Variants in MOV10L1 observed in about 807,000 individuals in gnomAD.
The protein encoded by MOV10L1 is RNA helicase Mov10l1.
A neutral mutation model predicts 143.8 loss-of-function variants in MOV10L1; 110 were observed. The observed-to-expected ratio is 0.76, with a 90% CI of 0.66 to 0.90. The LOEUF is 0.90. MOV10L1 is among the 40% of genes least tolerant of loss of function. MOV10L1 has a pLI of 0.00. For synonymous variants in MOV10L1, 593 were observed against 581.1 expected (o/e 1.02, Z -0.29); for missense variants, 1,406 against 1,526.8 (o/e 0.92, Z 1.32).
At chr22:50,126,800 T>C (rs991301490) in intron 12 of MOV10L1, among the ~76,000 whole-genome samples, 14 of 152,306 alleles carry the variant, frequency 9.2e-5, no homozygotes, top group African/African-American at 3.1e-4. Flanking sequence ...AAGCCACACA[T>C]TACTTAATGT....
intron 19 of MOV10L1, chr22:50,147,209 AGCAGGGAGGGTGCT>A: frequency 8.5e-7 from 1 of 1,175,048 alleles, no homozygotes; most frequent in Non-Finnish European, 1.2e-6. Flanking sequence ...TCTGTGCAGA[AGCAGGGAGGGTGCT>A]GCAGGCCGCT....
intron 3 of MOV10L1, among the ~76,000 whole-genome samples, chr22:50,100,935 A>G (rs1422051149): frequency 1.3e-5 from 2 of 152,184 alleles, no homozygotes; most frequent in African/African-American, 2.4e-5. Context: ...CCTGCTGCCT[A>G]TGGTGGTGAA....
In MOV10L1 at chr22:50,145,907, C is replaced by T. The variant is rs564827592; in HGVS notation, c.2627+97C>T. Reference sequence around the variant, plus strand: ...CTGAGGGGCGGATGACCCAGAGACTCAGTGCTCAGGGAGGGAGGCAGGGCT... The same window carrying T: ...CTGAGGGGCGGATGACCCAGAGACTTAGTGCTCAGGGAGGGAGGCAGGGCT... On this transcript the variant is annotated intron_variant, in intron 19 of 26. Transcript: ENST00000262794. 5.3e-5 allele frequency: 81 copies of T among 1,538,050 alleles called. No individual in the cohort carries two copies. The South Asian group carries it at 6.9e-4, about 13-fold the overall frequency.
chr22:50,142,250 G>T, intron 16 of MOV10L1, 61 bp downstream of exon 16: 2 of 1,399,170 alleles, frequency 1.4e-6, no homozygotes, highest in South Asian at 1.3e-5. Flanking sequence ...GGAAAACGGG[G>T]ACTTTGAGGA....
intron 9 of MOV10L1, among the ~76,000 whole-genome samples, chr22:50,119,385 C>T (rs895751631): frequency 6.6e-6 from 1 of 152,110 alleles, no homozygotes; most frequent in African/African-American, 2.4e-5. Context: ...ACAGGTCCTG[C>T]ACTTCCTGCT....
intron 3 of MOV10L1, among the ~76,000 whole-genome samples, chr22:50,103,249 A>G (rs1286573651): frequency 6.6e-6 from 1 of 152,220 alleles, no homozygotes; most frequent in Non-Finnish European, 1.5e-5. Flanking sequence ...TTTGAACAGC[A>G]CTGTCCCCCA....
intron 14 of MOV10L1, 82 bp downstream of exon 14, chr22:50,134,147 C>A: frequency 9.2e-7 from 1 of 1,085,556 alleles, no homozygotes; most frequent in Non-Finnish European, 1.3e-6. Flanking sequence ...GTAAAATAGT[C>A]TCTTCAGTCA....
chr22:50,151,071 GAT>G (rs1467225915), intron 21 of MOV10L1, among the ~76,000 whole-genome samples, 172 bp downstream of exon 21: 1 of 152,238 alleles, frequency 6.6e-6, no homozygotes, highest in Admixed American at 6.5e-5. Context: ...GCCTGGTGCT[GAT>G]GGCTGAGACT....
At chr22:50,134,773 G>A (rs530096983) in intron 15 of MOV10L1, 143 bp downstream of exon 15, 63 of 682,228 alleles carry the variant, frequency 9.2e-5, no homozygotes, top group Middle Eastern at 2.9e-4. Context: ...GGGGGTGGGC[G>A]TTTCCTTCTC....
At chr22:50,115,864 G>A (rs938242678) in intron 8 of MOV10L1, among the ~76,000 whole-genome samples, 1 of 152,228 alleles carries the variant, frequency 6.6e-6, no homozygotes, top group East Asian at 1.9e-4. Context: ...CGTCACCTGG[G>A]CATTTGGCCA....
chr22:50,149,579 C>T lies in MOV10L1; in HGVS notation c.2628-36C>T, dbSNP rs201029826. 415 of 1,601,942 alleles carry T rather than the reference C, an allele frequency of 2.6e-4. 2 individuals are homozygous for T. Among genetic ancestry groups the T allele is most frequent in the African/African-American group, 2.2e-3 (164 of 74,832 alleles). The stretch of plus-strand genomic sequence containing the variant: ...AGAGGCATCAATTGCTAAAACAATT[C>T]GGCAGAAATTACCATTTAGAACATC... On this transcript the variant is annotated intron_variant, in intron 19 of 26. Transcript: ENST00000262794.
chr22:50,134,637 C>G lies in MOV10L1; in HGVS notation c.2070+7C>G. 4 of 1,613,242 alleles carry G rather than the reference C, an allele frequency of 2.5e-6. No homozygotes were observed. The highest frequency in any genetic ancestry group is 3.4e-6 in the Non-Finnish European group (4 of 1,179,242). ...ACAGTCCACCAGCAAAAAGGTAGTG[C>G]TCAGCAATGTGGCTTTCTCTACACA... On this transcript the variant is annotated splice_region_variant and intron_variant, in intron 15 of 26. Transcript: ENST00000262794.
chr22:50,134,774 TTTCC>T, intron 15 of MOV10L1, 144 bp downstream of exon 15: 1 of 681,226 alleles, frequency 1.5e-6, no homozygotes, highest in South Asian at 2.1e-5. Context: ...GGGGTGGGCG[TTTCC>T]TTCTCGGAGT....
intron 19 of MOV10L1, among the ~76,000 whole-genome samples, chr22:50,148,647 C>A (rs891085174): frequency 6.6e-6 from 1 of 150,922 alleles, no homozygotes; most frequent in Non-Finnish European, 1.5e-5. Flanking sequence ...TTCTAGAGAC[C>A]GCATTTTCTT....
intron 18 of MOV10L1, among the ~76,000 whole-genome samples, chr22:50,144,648 C>T (rs1274535976): frequency 2.0e-5 from 3 of 151,350 alleles, no homozygotes; most frequent in Non-Finnish European, 2.9e-5. Context: ...GTGGCATGAT[C>T]TCGGCTCACT....
chr22:50,118,686 GT>G (rs1308558703), intron 9 of MOV10L1, among the ~76,000 whole-genome samples: 2 of 152,194 alleles, frequency 1.3e-5, no homozygotes, highest in Non-Finnish European at 2.9e-5. Context: ...GGTGTGCATA[GT>G]TACCCCTTCA....
intron 22 of MOV10L1, among the ~76,000 whole-genome samples, chr22:50,157,417 G>A (rs1178664725): frequency 6.6e-6 from 1 of 152,128 alleles, no homozygotes; most frequent in Non-Finnish European, 1.5e-5. Flanking sequence ...CAAACCTAAT[G>A]TCGTGGGGCT....
At chr22:50,132,381 C>T (rs920011547) in intron 13 of MOV10L1, among the ~76,000 whole-genome samples, 8 of 152,068 alleles carry the variant, frequency 5.3e-5, no homozygotes, top group Non-Finnish European at 1.0e-4. Context: ...ACCTATGGGT[C>T]GGTTTAAGGG....
At chr22:50,126,179 A>C in intron 11 of MOV10L1, 23 bp from the exon 12 acceptor site, 1 of 1,509,738 alleles carries the variant, frequency 6.6e-7, no homozygotes, top group Non-Finnish European at 9.2e-7. Flanking sequence ...AGCTTTAAAC[A>C]TGGTAATATA....
Sources: allele counts gnomAD v4.1 joint callset (sites outside exome capture counted in the v4.1 genomes callset), GRCh38; gene constraint gnomAD v4.1.1; transcripts MANE v1.5; gene names NCBI Gene and HGNC (gene_info 2026-07-23, HGNC 2026-07-21).